RIC8B: variants seen among roughly 807,000 people sequenced by gnomAD.
The protein encoded by RIC8B is RIC8 guanine nucleotide exchange factor B.
In RIC8B, 16 loss-of-function variants were observed where a neutral mutation model predicts 57.5. The ratio of observed to expected loss-of-function variants is 0.28; its 90% CI spans 0.19 to 0.42. RIC8B has a LOEUF of 0.42. Ranked by LOEUF, RIC8B falls within the 10% of genes least tolerant of loss-of-function variation. The probability of loss-of-function intolerance (pLI) is 1.00; values close to 1 mark genes in which losing one functional copy is unlikely to be tolerated. For missense variants in RIC8B, 481 were observed against 677.0 expected, an observed-to-expected ratio of 0.71 and a Z score of 3.21; for synonymous variants, 216 against 250.8, an observed-to-expected ratio of 0.86 and a Z score of 1.31.
At chr12:106,847,838 T>G (rs962503905) in intron 6 of RIC8B, among the ~76,000 whole-genome samples, 1 of 152,246 alleles carries the variant, frequency 6.6e-6, no homozygotes, top group Non-Finnish European at 1.5e-5. Context: ...TAATAAAAGC[T>G]TCTTGAATTA....
At chr12:106,835,775 C>G (rs894227130) in intron 4 of RIC8B, among the ~76,000 whole-genome samples, 1 of 152,156 alleles carries the variant, frequency 6.6e-6, no homozygotes, top group Non-Finnish European at 1.5e-5. Context: ...AAAACATGGA[C>G]AAATACAGAA....
intron 6 of RIC8B, among the ~76,000 whole-genome samples, chr12:106,848,582 G>T (rs1949312350): frequency 6.6e-6 from 1 of 152,168 alleles, no homozygotes; most frequent in Non-Finnish European, 1.5e-5. Context: ...GGGGAGAAGT[G>T]GTTGGATTGT....
chr12:106,791,200 T>A (rs371823315), intron 2 of RIC8B, among the ~76,000 whole-genome samples: 5 of 152,306 alleles, frequency 3.3e-5, no homozygotes, highest in Admixed American at 6.5e-5. Flanking sequence ...CACAGCCACG[T>A]AAAACTGATA....
chr12:106,878,612 T>C (rs1439270168), intron 9 of RIC8B, among the ~76,000 whole-genome samples: 3 of 152,312 alleles, frequency 2.0e-5, no homozygotes, highest in Non-Finnish European at 4.4e-5. Context: ...TAATTTAAAC[T>C]GTCAGGATTC....
chr12:106,815,182 G>T lies in RIC8B; in HGVS notation c.619G>T (p.Glu207Ter). The change falls in exon 3 of 10, where the codon GAG becomes TAG. Residue 207 changes from glutamate (E) to a stop codon, truncating the protein, a stop_gained. Transcript: ENST00000392837. LOFTEE classifies it high-confidence loss of function. Reference sequence around the variant, plus strand: ...TGCCTTTAGCATCAAGTGGACCGATGAGTATGAATCGGCCATAGACCATAA... The same window carrying T: ...TGCCTTTAGCATCAAGTGGACCGATTAGTATGAATCGGCCATAGACCATAA... Reference protein sequence around the residue: ...ESAFSIKWTDEYESAIDHNGP... With the variant: ...ESAFSIKWTD 6.2e-7 allele frequency: 1 copy of T among 1,614,238 alleles called. No homozygotes were observed. The highest frequency in any genetic ancestry group is 1.1e-5 in the South Asian group (1 of 91,082).
chr12:106,863,626 T>A (rs1311521074), intron 8 of RIC8B, among the ~76,000 whole-genome samples: 1 of 152,046 alleles, frequency 6.6e-6, no homozygotes, highest in African/African-American at 2.4e-5. Flanking sequence ...TTTGCCCAAT[T>A]TGGGCTGTGA....
rs149035337 is a variant in RIC8B at position 106,786,921 on chromosome 12, T to C, written c.132+2877T>C. Among the ~76,000 whole-genome samples the C allele has an allele frequency of 5.6e-3, 848 of 152,334 alleles. 6 individuals carry two copies. The highest frequency in any genetic ancestry group is 0.02 in the African/African-American group (823 of 41,588). Reference sequence around the variant, plus strand: ...GATCCATACTATATCCATAGATTCATGGTGCCTTAGAAATCTGACATTAGA... The same window carrying C: ...GATCCATACTATATCCATAGATTCACGGTGCCTTAGAAATCTGACATTAGA... On this transcript the variant is annotated intron_variant, in intron 2 of 9. Transcript: ENST00000392837.
At chr12:106,785,095 C>T (rs764366958) in intron 2 of RIC8B, among the ~76,000 whole-genome samples, 12 of 152,332 alleles carry the variant, frequency 7.9e-5, no homozygotes, top group South Asian at 6.2e-4. Context: ...TCTTTACCTA[C>T]AGAATAAACT....
At chr12:106,790,434 A>G (rs1480220497) in intron 2 of RIC8B, among the ~76,000 whole-genome samples, 4 of 152,218 alleles carry the variant, frequency 2.6e-5, no homozygotes, top group African/African-American at 2.4e-5. Flanking sequence ...ATATAATGCA[A>G]ATAGTTCCAG....
chr12:106,839,714 C>G (rs190296110), intron 4 of RIC8B, among the ~76,000 whole-genome samples: 27 of 152,266 alleles, frequency 1.8e-4, no homozygotes, highest in Admixed American at 7.8e-4. Flanking sequence ...GAAAAAAATA[C>G]TTTTCAAAGA....
At chr12:106,838,927 C>T (rs1015938527) in intron 4 of RIC8B, among the ~76,000 whole-genome samples, 6 of 148,664 alleles carry the variant, frequency 4.0e-5, no homozygotes, top group African/African-American at 1.5e-4. Context: ...AGGTACTTAA[C>T]ATCACTAATG....
At chr12:106,810,794 T>A (rs2136271609) in intron 2 of RIC8B, among the ~76,000 whole-genome samples, 1 of 152,328 alleles carries the variant, frequency 6.6e-6, no homozygotes, top group African/African-American at 2.4e-5. Flanking sequence ...ACATTTTACC[T>A]TATAATAATG....
At chr12:106,882,712 T>C (rs1951003095) in intron 9 of RIC8B, among the ~76,000 whole-genome samples, 2 of 152,246 alleles carry the variant, frequency 1.3e-5, no homozygotes, top group South Asian at 4.2e-4. Context: ...GCACAATGCA[T>C]GATTGTATGG....
chr12:106,886,262 CG>C lies in RIC8B; in HGVS notation c.*250del. On this transcript the variant is annotated 3_prime_UTR_variant, in exon 10 of 10. Transcript: ENST00000392837. Reference sequence around the variant, plus strand: ...AAGCAGAAAAAAAATTCCATTTCATCGGGATGGAACTGAAGGATTTTATTCT... The same window carrying C: ...AAGCAGAAAAAAAATTCCATTTCATCGGATGGAACTGAAGGATTTTATTCT... 1 of 417,778 alleles carries C rather than the reference CG, an allele frequency of 2.4e-6. No homozygotes were observed. The allele number at this position is 417,778 out of a possible 1,614,324, so 25.9% of individuals were successfully genotyped here.
intron 2 of RIC8B, among the ~76,000 whole-genome samples, chr12:106,793,970 A>G (rs1434373291): frequency 1.3e-5 from 2 of 152,148 alleles, no homozygotes; most frequent in African/African-American, 2.4e-5. Flanking sequence ...AACTGCCTGT[A>G]TGACCAGATG....
chr12:106,797,492 G>A (rs576327794), intron 2 of RIC8B, among the ~76,000 whole-genome samples: 3 of 152,318 alleles, frequency 2.0e-5, no homozygotes, highest in Non-Finnish European at 1.5e-5. Flanking sequence ...AGGGGCTGGA[G>A]GAAGAGGGGA....
intron 9 of RIC8B, chr12:106,874,436 TG>T: frequency 7.0e-7 from 1 of 1,419,704 alleles, no homozygotes. Flanking sequence ...GGAGGTGATG[TG>T]GCCAATGAAT....
chr12:106,797,901 G>T, intron 2 of RIC8B: 1 of 563,146 alleles, frequency 1.8e-6, no homozygotes, highest in Non-Finnish European at 3.2e-6. Flanking sequence ...GTGCTACACC[G>T]TACTGCCGCT....
intron 8 of RIC8B, among the ~76,000 whole-genome samples, chr12:106,863,581 A>C (rs1236178504): frequency 6.6e-6 from 1 of 152,070 alleles, no homozygotes; most frequent in Non-Finnish European, 1.5e-5. Context: ...TATTGAAGTA[A>C]GTGACCCAGA....
Sources: gnomAD v4.1 joint callset for allele counts (sites outside exome capture counted in the v4.1 genomes callset) on GRCh38, gnomAD v4.1.1 for gene constraint, MANE v1.5 for transcripts, NCBI Gene and HGNC (gene_info 2026-07-23, HGNC 2026-07-21) for gene names.